The following ERGIC2 variants were observed in gnomAD, a reference collection of about 807,000 sequenced individuals.
ERGIC2 encodes the protein ERGIC and golgi 2.
ERGIC2 carries 31 observed loss-of-function variants against 52.5 expected under a neutral mutation model. That is an observed-to-expected ratio of 0.59 (90% CI 0.44 to 0.80). The LOEUF is 0.80. Ranked by LOEUF, ERGIC2 falls within the 30% of genes least tolerant of loss-of-function variation. ERGIC2 has a pLI of 0.00. For missense variants in ERGIC2, 395 were observed against 455.2 expected, an observed-to-expected ratio of 0.87 and a Z score of 1.20; for synonymous variants, 129 against 140.6, an observed-to-expected ratio of 0.92 and a Z score of 0.58.
chr12:29,378,390 C>A (rs145604200), intron 1 of ERGIC2, among the ~76,000 whole-genome samples: 2 of 152,128 alleles, frequency 1.3e-5, no homozygotes, highest in African/African-American at 4.8e-5. Flanking sequence ...TGTTTTAAGC[C>A]TCCCAGCTTA....
intron 8 of ERGIC2, among the ~76,000 whole-genome samples, chr12:29,354,087 G>T (rs1940170920): frequency 6.6e-6 from 1 of 152,120 alleles, no homozygotes; most frequent in African/African-American, 2.4e-5. Flanking sequence ...AAGGCATCCT[G>T]CAATGAAATT....
rs748390176 is a variant in ERGIC2, at chr12:29,349,995, A to G, written c.628+18T>C. 1 of 1,552,496 alleles carries G rather than the reference A, an allele frequency of 6.4e-7. No individual in the cohort carries two copies. Among genetic ancestry groups the G allele is most frequent in the South Asian group, 1.1e-5 (1 of 88,162 alleles). On this transcript the variant is annotated intron_variant, in intron 9 of 13. Coordinates refer to ENST00000360150, the MANE Select transcript of ERGIC2 (RefSeq NM_016570.3). ...TTTCAAGTACATCTTTACTGAAAAA[A>G]AGTCAGAATCTGCTTACATTCATGG...
intron 6 of ERGIC2, among the ~76,000 whole-genome samples, chr12:29,358,761 A>AAT (rs1940243566): frequency 6.6e-6 from 1 of 152,276 alleles, no homozygotes; most frequent in African/African-American, 2.4e-5. Flanking sequence ...TGAATCTCAT[A>AAT]ATACTTTACC....
rs953054926 is a variant in ERGIC2, at chr12:29,338,306, A to T, written c.*2850T>A. The T allele has an allele frequency of 6.6e-6, 1 of 152,140 alleles. No individual in the cohort carries two copies. Among genetic ancestry groups the T allele is most frequent in the African/African-American group, 2.4e-5 (1 of 41,424 alleles). 9.4% of individuals were successfully genotyped at this position (152,140 alleles called of 1,614,324 possible). A position where few individuals can be genotyped will look rare whatever the true frequency, so the allele number is the denominator to read the frequency against. ...TAAAAATTCAATGCTATCATAAAACATACATGAGAAAAGTGTGATATTAAT... is the reference window on the plus strand; with the variant it reads ...TAAAAATTCAATGCTATCATAAAACTTACATGAGAAAAGTGTGATATTAAT... On this transcript the variant is annotated 3_prime_UTR_variant, in exon 14 of 14. Coordinates refer to ENST00000360150, the MANE Select transcript of ERGIC2 (RefSeq NM_016570.3).
chr12:29,380,885 C>G (rs1020298790), intron 1 of ERGIC2: 1 of 152,210 alleles, frequency 6.6e-6, no homozygotes, highest in African/African-American at 2.4e-5. Flanking sequence ...AGCACACAAG[C>G]ACCCGGACCT....
intron 1 of ERGIC2, among the ~76,000 whole-genome samples, chr12:29,376,885 T>A (rs1429044584): frequency 6.6e-6 from 1 of 151,894 alleles, no homozygotes; most frequent in Non-Finnish European, 1.5e-5. Flanking sequence ...ATTTATTCCA[T>A]TTTAAAATGT....
chr12:29,368,326 A>C, intron 3 of ERGIC2, 39 bp from the exon 4 acceptor site: 1 of 1,043,324 alleles, frequency 9.6e-7, no homozygotes, highest in African/African-American at 1.6e-5. Context: ...CCTACCAATT[A>C]ATTAGCAAAA....
At position 29,343,110 on chromosome 12, in the gene ERGIC2, G is replaced by A; in HGVS notation, c.988+10C>T. 2 of 1,563,990 alleles carry A rather than the reference G, an allele frequency of 1.3e-6. No homozygotes were observed. ...TTCAGAAATTAGACAAAAAGGAAATGGTTGTTAACCTGTTGTTGAAAAGAT... is the reference window on the plus strand; with the variant it reads ...TTCAGAAATTAGACAAAAAGGAAATAGTTGTTAACCTGTTGTTGAAAAGAT... On this transcript the variant is annotated intron_variant, in intron 12 of 13. Coordinates refer to ENST00000360150, the MANE Select transcript of ERGIC2 (RefSeq NM_016570.3).
intron 5 of ERGIC2, among the ~76,000 whole-genome samples, chr12:29,364,572 C>A (rs1203513349): frequency 6.6e-6 from 1 of 151,994 alleles, no homozygotes; most frequent in Non-Finnish European, 1.5e-5. Flanking sequence ...TCCCCACAAG[C>A]AATTGCAACA....
At chr12:29,375,295 T>C (rs1940500356) in intron 1 of ERGIC2, among the ~76,000 whole-genome samples, 1 of 152,204 alleles carries the variant, frequency 6.6e-6, no homozygotes, top group African/African-American at 2.4e-5. Context: ...CTCCACCGGA[T>C]TGTTAGAGCA....
chr12:29,347,046 A>C (rs1271194818), intron 10 of ERGIC2, among the ~76,000 whole-genome samples: 1 of 152,194 alleles, frequency 6.6e-6, no homozygotes, highest in African/African-American at 2.4e-5. Context: ...TATGGTCTTA[A>C]ATTTAAGCAG....
intron 5 of ERGIC2, among the ~76,000 whole-genome samples, chr12:29,363,948 A>G (rs1287327148): frequency 6.6e-6 from 1 of 152,126 alleles, no homozygotes; most frequent in Non-Finnish European, 1.5e-5. Flanking sequence ...CATAAACAAT[A>G]ATTCTCAGCA....
intron 5 of ERGIC2, among the ~76,000 whole-genome samples, chr12:29,362,505 G>A (rs187629676): frequency 3.8e-4 from 58 of 152,080 alleles, no homozygotes; most frequent in Non-Finnish European, 7.2e-4. Flanking sequence ...GCTGAAGCAC[G>A]AGAATTGCTT....
At chr12:29,354,228 AGTT>A (rs1319308311) in intron 8 of ERGIC2, among the ~76,000 whole-genome samples, 2 of 152,202 alleles carry the variant, frequency 1.3e-5, no homozygotes, top group African/African-American at 4.8e-5. Context: ...AGCTATATAA[AGTT>A]GTAGTTTTAA....
intron 1 of ERGIC2, chr12:29,372,563 A>G (rs1049119884): frequency 6.6e-6 from 1 of 152,296 alleles, no homozygotes; most frequent in African/African-American, 2.4e-5. Flanking sequence ...TATTTCTCAC[A>G]GTGTTATTTT....
intron 8 of ERGIC2, 28 bp downstream of exon 8, chr12:29,356,354 G>T (rs768172301): frequency 5.4e-6 from 7 of 1,294,120 alleles, no homozygotes; most frequent in Non-Finnish European, 6.7e-6. Context: ...TTTGTCTAAA[G>T]TATTTTCAGT....
At chr12:29,345,634 C>A in intron 10 of ERGIC2, 94 bp from the exon 11 acceptor site, 1 of 748,018 alleles carries the variant, frequency 1.3e-6, no homozygotes, top group Non-Finnish European at 2.4e-6. Context: ...TGAAATTTAG[C>A]TGGATGTGGT....
rs901771457 is a variant in ERGIC2 at position 29,337,846 on chromosome 12, T to C, written c.*3310A>G. 3 of 152,136 alleles carry C rather than the reference T, an allele frequency of 2.0e-5. No individual in the cohort carries two copies. The highest frequency in any genetic ancestry group is 4.1e-4 in the South Asian group (2 of 4,822). The allele number at this position is 152,136 out of a possible 1,614,324, so 9.4% of individuals were successfully genotyped here. A position where few individuals can be genotyped will look rare whatever the true frequency, so the allele number is the denominator to read the frequency against. On this transcript the variant is annotated 3_prime_UTR_variant, in exon 14 of 14. Transcript: ENST00000360150. ...TTGAATTACTAACTCAGGACATAGATGGAATGCACAGTGTATCTCTCTTAC... is the reference window on the plus strand; with the variant it reads ...TTGAATTACTAACTCAGGACATAGACGGAATGCACAGTGTATCTCTCTTAC...
intron 8 of ERGIC2, among the ~76,000 whole-genome samples, chr12:29,355,710 T>C (rs1315697380): frequency 1.3e-5 from 2 of 152,178 alleles, no homozygotes; most frequent in East Asian, 3.8e-4. Context: ...CACCAAAACA[T>C]TAAGACAAAA....
Sources: allele counts gnomAD v4.1 joint callset (sites outside exome capture counted in the v4.1 genomes callset), GRCh38; gene constraint gnomAD v4.1.1; transcripts MANE v1.5; gene names NCBI Gene and HGNC (gene_info 2026-07-23, HGNC 2026-07-21).